Variants in LARGE1 observed in about 807,000 individuals in gnomAD.
The protein encoded by LARGE1 is LARGE xylosyl- and glucuronyltransferase 1, also known as xylosyl- and glucuronyltransferase LARGE1.
LARGE1 carries 43 observed loss-of-function variants against 87.6 expected under a neutral mutation model. The ratio of observed to expected loss-of-function variants is 0.49; its 90% confidence interval spans 0.38 to 0.63. The LOEUF is 0.63. LARGE1 is among the 30% of genes least tolerant of loss of function. The probability of loss-of-function intolerance (pLI) is 0.00; values close to 1 mark genes in which losing one functional copy is unlikely to be tolerated. For missense variants in LARGE1, 802 were observed against 1,000.2 expected (o/e 0.80, Z 2.67); for synonymous variants, 434 against 394.6 (o/e 1.10, Z -1.18).
At chr22:33,693,435 G>A (rs2082155357) in intron 2 of LARGE1, among the ~76,000 whole-genome samples, 1 of 151,888 alleles carries the variant, frequency 6.6e-6, no homozygotes, top group Admixed American at 6.6e-5. Flanking sequence ...GAGGGAGTGA[G>A]GGAGGGAAGG....
At chr22:33,765,707 C>CAAAAAAAAA (rs33943950) in intron 1 of LARGE1, among the ~76,000 whole-genome samples, 6 of 69,876 alleles carry the variant, frequency 8.6e-5, no homozygotes, top group Middle Eastern at 0.012. Context: ...CTCCATCTCA[C>CAAAAAAAAA]AAAAAAAAAA....
At chr22:33,655,709 G>A (rs2080940211) in intron 2 of LARGE1, among the ~76,000 whole-genome samples, 1 of 152,100 alleles carries the variant, frequency 6.6e-6, no homozygotes, top group African/African-American at 2.4e-5. Flanking sequence ...CCATCCCCAG[G>A]TCCTGGCATG....
At chr22:33,708,380 T>C (rs2082625226) in intron 2 of LARGE1, among the ~76,000 whole-genome samples, 3 of 152,122 alleles carry the variant, frequency 2.0e-5, no homozygotes, top group Admixed American at 6.5e-5. Context: ...GAGACCCTCA[T>C]ACCCAGCCCA....
chr22:33,777,123 GAA>G (rs2085262775), intron 1 of LARGE1, among the ~76,000 whole-genome samples: 1 of 152,148 alleles, frequency 6.6e-6, no homozygotes, highest in South Asian at 2.1e-4. Flanking sequence ...GAAGGAGAGA[GAA>G]GTCATTCCTG....
intron 1 of LARGE1, among the ~76,000 whole-genome samples, chr22:33,771,428 A>T (rs900372316): frequency 6.6e-6 from 1 of 152,264 alleles, no homozygotes; most frequent in East Asian, 1.9e-4. Flanking sequence ...CTGATTTCAA[A>T]TGGGCACTCA....
the LARGE1 span, among the ~76,000 whole-genome samples, chr22:33,101,474 T>C: frequency 8.3e-4 from 127 of 152,322 alleles, 1 homozygote; most frequent in African/African-American, 3.0e-3. Flanking sequence ...ATTGCAAGCC[T>C]CCTTTTCTCA....
chr22:33,339,975 T>A (rs1261838882), intron 9 of LARGE1, among the ~76,000 whole-genome samples: 1 of 152,210 alleles, frequency 6.6e-6, no homozygotes, highest in African/African-American at 2.4e-5. Flanking sequence ...CTAGAATATT[T>A]AATAGTACTA....
At chr22:33,454,288 T>TA (rs944063455) in intron 6 of LARGE1, among the ~76,000 whole-genome samples, 5 of 151,762 alleles carry the variant, frequency 3.3e-5, no homozygotes, top group Non-Finnish European at 5.9e-5. Flanking sequence ...CACATTGCTA[T>TA]AAAAAAAATG....
intron 7 of LARGE1, among the ~76,000 whole-genome samples, chr22:33,410,591 G>A (rs569621779): frequency 6.6e-6 from 1 of 152,020 alleles, no homozygotes; most frequent in African/African-American, 2.4e-5. Flanking sequence ...ATGATTATAA[G>A]TTTCCTGACG....
At chr22:33,872,109 G>A (rs2064307469) in intron 1 of LARGE1, among the ~76,000 whole-genome samples, 1 of 151,868 alleles carries the variant, frequency 6.6e-6, no homozygotes. Flanking sequence ...ATGCTCTGAC[G>A]TCAACCTTTC....
At chr22:33,778,161 A>C (rs1218598077) in intron 1 of LARGE1, among the ~76,000 whole-genome samples, 4 of 152,234 alleles carry the variant, frequency 2.6e-5, no homozygotes, top group African/African-American at 9.6e-5. Flanking sequence ...CTCAGGTCAC[A>C]GAAAAAGTCT....
At chr22:33,357,902 A>G (rs1941047628) in intron 9 of LARGE1, among the ~76,000 whole-genome samples, 1 of 152,172 alleles carries the variant, frequency 6.6e-6, no homozygotes. Flanking sequence ...CTCTTCTATA[A>G]AGTCATGAGG....
At chr22:33,918,043 C>A (rs1021785388) in intron 1 of LARGE1, among the ~76,000 whole-genome samples, 1 of 152,216 alleles carries the variant, frequency 6.6e-6, no homozygotes, top group African/African-American at 2.4e-5. Context: ...ACCCTCCCTG[C>A]ACTGTGCATC....
intron 6 of LARGE1, among the ~76,000 whole-genome samples, chr22:33,556,548 G>GAAGGAGGA (rs2077688184): frequency 1.2e-5 from 1 of 81,136 alleles, no homozygotes; most frequent in Non-Finnish European, 2.6e-5. Flanking sequence ...AGGAGGGAGG[G>GAAGGAGGA]AGGGAGGGAG....
At chr22:33,668,091 TA>T (rs2081315574) in intron 2 of LARGE1, among the ~76,000 whole-genome samples, 1 of 152,254 alleles carries the variant, frequency 6.6e-6, no homozygotes, top group Non-Finnish European at 1.5e-5. Flanking sequence ...CACAACTTAT[TA>T]TTTTTTATAG....
At chr22:33,172,170 C>T (rs1050173605) in intron 11 of LARGE1, among the ~76,000 whole-genome samples, 5 of 152,236 alleles carry the variant, frequency 3.3e-5, no homozygotes, top group Non-Finnish European at 7.3e-5. Flanking sequence ...GCCAATTTCT[C>T]CCATTTAGAA....
intron 1 of LARGE1, among the ~76,000 whole-genome samples, chr22:33,811,736 A>C (rs1326894940): frequency 1.3e-5 from 2 of 152,220 alleles, no homozygotes; most frequent in African/African-American, 4.8e-5. Flanking sequence ...AGAAGTAATC[A>C]AAGAGGCTCT....
At chr22:33,418,851 G>A (rs141324533) in intron 7 of LARGE1, among the ~76,000 whole-genome samples, 1 of 152,246 alleles carries the variant, frequency 6.6e-6, no homozygotes, top group African/African-American at 2.4e-5. Context: ...CAGGAACCTT[G>A]GGGCACAGGC....
intron 6 of LARGE1, among the ~76,000 whole-genome samples, chr22:33,475,118 T>G (rs1260069220): frequency 6.6e-6 from 1 of 152,034 alleles, no homozygotes; most frequent in Non-Finnish European, 1.5e-5. Context: ...AACAGAGTCT[T>G]TGTGTTTAAT....
Sources: gnomAD v4.1 joint callset for allele counts (sites outside exome capture counted in the v4.1 genomes callset) on GRCh38, gnomAD v4.1.1 for gene constraint, MANE v1.5 for transcripts, NCBI Gene and HGNC (gene_info 2026-07-23, HGNC 2026-07-21) for gene names.